Variants in CFTR observed in about 807,000 individuals in gnomAD.
CFTR encodes cystic fibrosis transmembrane conductance regulator.
A neutral mutation model predicts 171.6 loss-of-function variants in CFTR; 181 were observed. The ratio of observed to expected loss-of-function variants is 1.05; its 90% CI spans 0.93 to 1.19. The LOEUF is 1.19. Ranked by LOEUF, CFTR falls within the 50% of genes most tolerant of loss-of-function variation. CFTR has a pLI of 0.00. For missense variants in CFTR, 1,968 were observed against 1,734.7 expected, an observed-to-expected ratio of 1.13 and a Z score of -2.39; for synonymous variants, 583 against 608.0, an observed-to-expected ratio of 0.96 and a Z score of 0.60.
intron 11 of CFTR, among the ~76,000 whole-genome samples, chr7:117,562,915 TC>T (rs1165832288): frequency 6.6e-6 from 1 of 152,094 alleles, no homozygotes; most frequent in East Asian, 1.9e-4. Context: ...CAGGGTATCA[TC>T]AGCATAGAAC....
At chr7:117,562,576 A>G (rs1445231166) in intron 11 of CFTR, among the ~76,000 whole-genome samples, 1 of 152,180 alleles carries the variant, frequency 6.6e-6, no homozygotes, top group African/African-American at 2.4e-5. Context: ...TCCCTTTCAG[A>G]CACATAAAAA....
chr7:117,538,728 G>A (rs954092041), intron 7 of CFTR, among the ~76,000 whole-genome samples: 1 of 138,984 alleles, frequency 7.2e-6, no homozygotes, highest in Admixed American at 7.1e-5. Context: ...AAGTTAGAGG[G>A]AAGAGTGACT....
At chr7:117,560,457 G>A (rs983842840) in intron 11 of CFTR, among the ~76,000 whole-genome samples, 1 of 151,964 alleles carries the variant, frequency 6.6e-6, no homozygotes, top group African/African-American at 2.4e-5. Context: ...TTGATAGTTG[G>A]CATTTGCAAT....
At chr7:117,614,498 A>G (rs1792453149) in intron 20 of CFTR, 115 bp from the exon 21 acceptor site, 3 of 755,128 alleles carry the variant, frequency 4.0e-6, no homozygotes, top group Non-Finnish European at 4.8e-6. Flanking sequence ...TAAAATTAGC[A>G]TAAAATTGAA....
intron 26 of CFTR, 52 bp from the exon 27 acceptor site, chr7:117,666,856 T>C: frequency 6.6e-7 from 1 of 1,518,634 alleles, no homozygotes; most frequent in Non-Finnish European, 9.1e-7. Flanking sequence ...CTGTCCCTGC[T>C]CTGGTCTGAC....
At chr7:117,656,713 G>A (rs1737801208) in intron 24 of CFTR, among the ~76,000 whole-genome samples, 1 of 152,134 alleles carries the variant, frequency 6.6e-6, no homozygotes, top group Admixed American at 6.6e-5. Context: ...AAGTCCAAAG[G>A]TCTGGATTGT....
At chr7:117,492,857 C>T (rs1185349210) in intron 1 of CFTR, among the ~76,000 whole-genome samples, 1 of 151,844 alleles carries the variant, frequency 6.6e-6, no homozygotes, top group Non-Finnish European at 1.5e-5. Flanking sequence ...TTATGTGTGA[C>T]TATTTCAATG....
intron 9 of CFTR, among the ~76,000 whole-genome samples, chr7:117,547,442 A>G (rs1160465282): frequency 6.6e-6 from 1 of 152,058 alleles, no homozygotes; most frequent in Non-Finnish European, 1.5e-5. Flanking sequence ...GCTAAATATA[A>G]CTTGCTTTCT....
At chr7:117,655,518 G>A (rs976485706) in intron 24 of CFTR, among the ~76,000 whole-genome samples, 1 of 152,154 alleles carries the variant, frequency 6.6e-6, no homozygotes, top group Non-Finnish European at 1.5e-5. Context: ...TAAGAAGATA[G>A]TAGCTTTCTC....
intron 3 of CFTR, among the ~76,000 whole-genome samples, chr7:117,513,060 T>C (rs1027455650): frequency 4.6e-5 from 7 of 152,154 alleles, no homozygotes; most frequent in Non-Finnish European, 8.8e-5. Flanking sequence ...CTACTGCTAA[T>C]ATGGGGCTAA....
intron 11 of CFTR, among the ~76,000 whole-genome samples, chr7:117,581,581 A>G (rs993637440): frequency 6.6e-6 from 1 of 152,160 alleles, no homozygotes; most frequent in Non-Finnish European, 1.5e-5. Flanking sequence ...TACAACTGTT[A>G]AAGGAAGATA....
At chr7:117,611,259 C>T (rs989218231) in intron 19 of CFTR, among the ~76,000 whole-genome samples, 103 of 152,086 alleles carry the variant, frequency 6.8e-4, no homozygotes, top group Admixed American at 6.7e-3. Flanking sequence ...AAAAAATTGT[C>T]TTAAAAGAAA....
At chr7:117,647,696 T>C (rs1325172328) in intron 23 of CFTR, among the ~76,000 whole-genome samples, 1 of 150,376 alleles carries the variant, frequency 6.6e-6, no homozygotes, top group East Asian at 2.0e-4. Context: ...AAAAAAAAAT[T>C]TTTTTTTTAA....
At chr7:117,653,455 T>A (rs986297738) in intron 24 of CFTR, among the ~76,000 whole-genome samples, 8 of 152,206 alleles carry the variant, frequency 5.3e-5, no homozygotes, top group Non-Finnish European at 8.8e-5. Flanking sequence ...TTTCTTGCTG[T>A]GTCCTCACAT....
chr7:117,559,486 TG>T lies in CFTR; in HGVS notation c.1418del (p.Gly473GlufsTer54), dbSNP rs397508205. ...CAGACTTCACTTCTAATGGTGATTA[TG>T]GGAGAACTGGAGCCTTCAGAGGGTA... is the stretch of plus-strand genomic sequence containing the variant. ...AGKTSLLMVI[M>X]GELEPSEGKI... On this transcript the variant is annotated frameshift_variant, in exon 11 of 27. Transcript: ENST00000003084. LOFTEE classifies it high-confidence loss of function. The T allele has an allele frequency of 6.2e-6, 10 of 1,607,874 alleles. No individual in the cohort carries two copies. The highest frequency in any genetic ancestry group is 1.6e-4 in the Middle Eastern group (1 of 6,066).
In CFTR at chr7:117,488,689, A is replaced by G. The variant is rs1179646126; in HGVS notation, c.53+8542A>G. On this transcript the variant is annotated intron_variant, in intron 1 of 26. Coordinates refer to ENST00000003084, the MANE Select transcript of CFTR (RefSeq NM_000492.4). ...TGGGACCGCAGTGTATACAAATAGC[A>G]GTGACAATAAAAGATAATAACTCTC... 1.3e-5 allele frequency among the ~76,000 whole-genome samples: 2 copies of G among 152,258 alleles called. 1 individual carries two copies. The highest frequency in any genetic ancestry group is 6.8e-3 in the Middle Eastern group (2 of 294).
intron 11 of CFTR, among the ~76,000 whole-genome samples, chr7:117,578,636 G>T (rs1204236659): frequency 4.6e-5 from 7 of 152,054 alleles, no homozygotes; most frequent in Admixed American, 4.6e-4. Flanking sequence ...CTGGTTAGAT[G>T]TACTATATTT....
intron 3 of CFTR, among the ~76,000 whole-genome samples, chr7:117,511,961 A>G (rs569160990): frequency 6.8e-4 from 104 of 152,092 alleles, no homozygotes; most frequent in Non-Finnish European, 1.0e-3. Context: ...ATTTATGGGT[A>G]TTTCTTCTTT....
At chr7:117,499,560 T>TC (rs1334572699) in intron 1 of CFTR, among the ~76,000 whole-genome samples, 1 of 148,484 alleles carries the variant, frequency 6.7e-6, no homozygotes, top group African/African-American at 2.5e-5. Flanking sequence ...GACTTTTTTT[T>TC]CAAAGTTAGT....
Sources: allele counts gnomAD v4.1 joint callset (sites outside exome capture counted in the v4.1 genomes callset), GRCh38; gene constraint gnomAD v4.1.1; transcripts MANE v1.5; gene names NCBI Gene and HGNC (gene_info 2026-07-23, HGNC 2026-07-21).